Variants in MYMX observed in about 807,000 individuals in gnomAD.
MYMX encodes the protein myomixer, myoblast fusion factor.
At chr6:44,193,840 C>T in the MYMX span, among the ~76,000 whole-genome samples, 4 of 152,240 alleles carry the variant, frequency 2.6e-5, no homozygotes, top group South Asian at 2.1e-4. Flanking sequence ...CAAAGTTAGC[C>T]GGGCGTGGTG....
At chr6:44,217,016 G>A (rs1220800748) in intron 1 of MYMX, 48 bp downstream of exon 1, 1 of 155,330 alleles carries the variant, frequency 6.4e-6, no homozygotes, top group Non-Finnish European at 1.4e-5. Flanking sequence ...AGAGGTCAGG[G>A]AGTGTCAGGT....
At chr6:44,194,244 C>A in the MYMX span, among the ~76,000 whole-genome samples, 6 of 152,172 alleles carry the variant, frequency 3.9e-5, no homozygotes, top group African/African-American at 1.4e-4. Context: ...CCCACCATTC[C>A]AGGTCCTCAT....
chr6:44,205,384 A>C, the MYMX span, among the ~76,000 whole-genome samples: 1 of 152,198 alleles, frequency 6.6e-6, no homozygotes, highest in African/African-American at 2.4e-5. Context: ...AAAGGAAAAT[A>C]GCAGTGGTTC....
the MYMX span, among the ~76,000 whole-genome samples, chr6:44,195,203 G>A: frequency 2.0e-5 from 3 of 152,068 alleles, no homozygotes; most frequent in Non-Finnish European, 4.4e-5. Flanking sequence ...AATTTTAGTA[G>A]AGATGGGGTT....
upstream of MYMX, among the ~76,000 whole-genome samples, chr6:44,216,378 G>A (rs918132759): frequency 1.4e-4 from 21 of 151,988 alleles, 3 homozygotes; most frequent in Admixed American, 9.8e-4. Context: ...GGCTGGGCAC[G>A]GTGGCTCAGG....
At chr6:44,196,204 G>A in the MYMX span, among the ~76,000 whole-genome samples, 4 of 152,130 alleles carry the variant, frequency 2.6e-5, no homozygotes, top group South Asian at 6.2e-4. Flanking sequence ...GATTATAGGC[G>A]AGAGCCATCA....
chr6:44,212,882 C>T (rs1298724106), upstream of MYMX, among the ~76,000 whole-genome samples: 1 of 142,756 alleles, frequency 7.0e-6, no homozygotes, highest in South Asian at 2.2e-4. Flanking sequence ...AAAAACAAAA[C>T]TTGACTGGGC....
chr6:44,196,143 A>C, the MYMX span, among the ~76,000 whole-genome samples: 2 of 152,090 alleles, frequency 1.3e-5, no homozygotes, highest in Non-Finnish European at 2.9e-5. Context: ...GGGTTTCACT[A>C]TGTTGGCCAG....
the MYMX span, among the ~76,000 whole-genome samples, chr6:44,200,288 T>C: frequency 6.6e-6 from 1 of 152,152 alleles, no homozygotes. Flanking sequence ...GTTTCTCCAC[T>C]GGGGTCTTGC....
chr6:44,208,327 G>A, the MYMX span, among the ~76,000 whole-genome samples: 3 of 151,548 alleles, frequency 2.0e-5, no homozygotes, highest in Admixed American at 6.6e-5. Flanking sequence ...CCCATGGGAA[G>A]ATCAAATTGA....
chr6:44,214,269 T>C (rs1775748858), upstream of MYMX, among the ~76,000 whole-genome samples: 1 of 152,194 alleles, frequency 6.6e-6, no homozygotes, highest in Admixed American at 6.5e-5. Flanking sequence ...ATCTGACAAG[T>C]GGTGAGATTC....
At chr6:44,216,332 C>T (rs953284438), upstream of MYMX, among the ~76,000 whole-genome samples, 8 of 152,184 alleles carry the variant, frequency 5.3e-5, no homozygotes, top group Non-Finnish European at 1.0e-4. Context: ...GAAGAGTCAA[C>T]GTTCTTAAGG....
the MYMX span, among the ~76,000 whole-genome samples, chr6:44,205,712 G>A: frequency 4.9e-3 from 740 of 152,228 alleles, no homozygotes; most frequent in Non-Finnish European, 7.9e-3. Flanking sequence ...GGGAGGCTGA[G>A]GCAGGAGAAT....
the MYMX span, among the ~76,000 whole-genome samples, chr6:44,206,318 G>A: frequency 5.9e-5 from 9 of 152,024 alleles, no homozygotes. Context: ...TGCAACTGCC[G>A]CCTCCTGGGT....
At chr6:44,207,358 C>T in the MYMX span, among the ~76,000 whole-genome samples, 1 of 152,020 alleles carries the variant, frequency 6.6e-6, no homozygotes, top group African/African-American at 2.4e-5. Flanking sequence ...CCAGGATGGT[C>T]TCGATCTCCT....
At chr6:44,208,493 C>A in the MYMX span, among the ~76,000 whole-genome samples, 1 of 152,104 alleles carries the variant, frequency 6.6e-6, no homozygotes, top group Non-Finnish European at 1.5e-5. Context: ...CTGGCCCTGG[C>A]CCTCCAGAAG....
At chr6:44,204,023 A>AT in the MYMX span, among the ~76,000 whole-genome samples, 14 of 151,822 alleles carry the variant, frequency 9.2e-5, no homozygotes, top group African/African-American at 3.4e-4. Context: ...AATTTTTTGT[A>AT]TTTTTAATAG....
upstream of MYMX, among the ~76,000 whole-genome samples, chr6:44,215,890 G>A (rs984603838): frequency 5.9e-5 from 9 of 152,176 alleles, no homozygotes; most frequent in South Asian, 2.1e-4. Context: ...GTGAGACTCC[G>A]TCTCAAATAA....
chr6:44,213,515 G>C (rs540668420), upstream of MYMX, among the ~76,000 whole-genome samples: 19 of 151,220 alleles, frequency 1.3e-4, no homozygotes, highest in African/African-American at 4.4e-4. Context: ...TCCGCCTCCC[G>C]GGCTCAAGCA....
Sources: gnomAD v4.1 joint callset for allele counts (sites outside exome capture counted in the v4.1 genomes callset) on GRCh38, gnomAD v4.1.1 for gene constraint, MANE v1.5 for transcripts, NCBI Gene and HGNC (gene_info 2026-07-23, HGNC 2026-07-21) for gene names.